The following OTUD7B variants were observed in gnomAD, a reference collection of about 807,000 sequenced individuals.
OTUD7B encodes the protein OTU domain-containing protein 7B.
Under a neutral mutation model 82.2 loss-of-function variants are expected in OTUD7B, and 34 were observed. The ratio of observed to expected loss-of-function variants is 0.41; its 90% CI spans 0.31 to 0.55. OTUD7B has a LOEUF of 0.55. OTUD7B is among the 20% of genes least tolerant of loss of function. The probability of loss-of-function intolerance (pLI) is 0.20; values close to 1 mark genes in which losing one functional copy is unlikely to be tolerated. For synonymous variants in OTUD7B, 398 were observed against 402.7 expected, an observed-to-expected ratio of 0.99 and a Z score of 0.14; for missense variants, 944 against 1,062.1, an observed-to-expected ratio of 0.89 and a Z score of 1.55.
chr1:149,965,523 T>A (rs1209125980), intron 5 of OTUD7B, among the ~76,000 whole-genome samples: 2 of 152,222 alleles, frequency 1.3e-5, no homozygotes, highest in African/African-American at 4.8e-5. Context: ...TCATTACTCC[T>A]GGGGTCAGCT....
the OTUD7B span, among the ~76,000 whole-genome samples, chr1:150,020,907 T>A: frequency 6.6e-6 from 1 of 152,172 alleles, no homozygotes; most frequent in East Asian, 1.9e-4. Flanking sequence ...AGGGTGTGGA[T>A]CTTTGACCCT....
At chr1:149,981,975 C>G (rs1553779760) in intron 1 of OTUD7B, among the ~76,000 whole-genome samples, 1 of 152,178 alleles carries the variant, frequency 6.6e-6, no homozygotes, top group East Asian at 1.9e-4. Flanking sequence ...CGGTGAAACC[C>G]TGTCTCTACT....
the OTUD7B span, among the ~76,000 whole-genome samples, chr1:150,027,709 T>C: frequency 3.9e-4 from 60 of 152,154 alleles, no homozygotes; most frequent in African/African-American, 1.3e-3. Flanking sequence ...TGTCCTTTAG[T>C]GCTAAAAGGA....
intron 3 of OTUD7B, among the ~76,000 whole-genome samples, chr1:149,969,038 C>T (rs1249158652): frequency 6.6e-6 from 1 of 151,894 alleles, no homozygotes; most frequent in South Asian, 2.1e-4. Flanking sequence ...TTTAGGTATT[C>T]GTAGGCTGAG....
chr1:149,975,783 G>A (rs1254776068), intron 2 of OTUD7B, among the ~76,000 whole-genome samples: 1 of 152,052 alleles, frequency 6.6e-6, no homozygotes, highest in African/African-American at 2.4e-5. Flanking sequence ...CAGCACTTTG[G>A]GAGGCTGAGG....
intron 1 of OTUD7B, among the ~76,000 whole-genome samples, chr1:150,009,917 T>C (rs1391284822): frequency 4.6e-5 from 7 of 151,860 alleles, no homozygotes; most frequent in Non-Finnish European, 8.8e-5. Flanking sequence ...CTAGAATCCG[T>C]CAACCTCCGT....
At chr1:150,034,608 C>T in the OTUD7B span, among the ~76,000 whole-genome samples, 1 of 152,144 alleles carries the variant, frequency 6.6e-6, no homozygotes, top group Non-Finnish European at 1.5e-5. Context: ...ATCATTTCTG[C>T]AAACATGTGA....
chr1:150,010,184 G>A (rs1031746107), intron 1 of OTUD7B, among the ~76,000 whole-genome samples: 2 of 152,092 alleles, frequency 1.3e-5, no homozygotes, highest in Non-Finnish European at 2.9e-5. Flanking sequence ...AAACTGGCCA[G>A]CACAGCTCAG....
chr1:150,035,961 T>TTG, the OTUD7B span, among the ~76,000 whole-genome samples: 1 of 150,920 alleles, frequency 6.6e-6, no homozygotes, highest in South Asian at 2.1e-4. Context: ...GTAACTGTTT[T>TTG]TTTTTTTTTT....
In OTUD7B at chr1:149,940,483, G is replaced by A. The variant is rs1174624847; in HGVS notation, c.*3374C>T. ...TACTTACTCCATTGGAGATGGGGCA[G>A]AGAGCACAGCAGGGAGGGAGTAGCA... On this transcript the variant is annotated 3_prime_UTR_variant, in exon 12 of 12. Transcript: ENST00000581312. The A allele has an allele frequency of 6.6e-6, 1 of 152,168 alleles. No individual in the cohort carries two copies. Among genetic ancestry groups the A allele is most frequent in the Non-Finnish European group, 1.5e-5 (1 of 68,032 alleles). 9.4% of individuals were successfully genotyped at this position (152,168 alleles called of 1,614,324 possible).
rs1361748605 is a variant in OTUD7B, at chr1:149,941,619, A to G, written c.*2238T>C. The G allele has an allele frequency of 1.3e-5, 2 of 152,238 alleles. No individual in the cohort carries two copies. Among genetic ancestry groups the G allele is most frequent in the African/African-American group, 4.8e-5 (2 of 41,462 alleles). The allele number at this position is 152,238 out of a possible 1,614,324, so 9.4% of individuals were successfully genotyped here. ...TTAAAAAATCACAATTAATGTAAAA[A>G]GTCTATGATGGACAATGTATCAAAA... On this transcript the variant is annotated 3_prime_UTR_variant, in exon 12 of 12. Coordinates refer to ENST00000581312, the MANE Select transcript of OTUD7B (RefSeq NM_020205.4).
rs141161162 is a variant in OTUD7B, at chr1:149,993,334, C to A, written c.-66-15758G>T. 3.3e-4 allele frequency among the ~76,000 whole-genome samples: 51 copies of A among 152,304 alleles called. 1 individual carries two copies. The highest frequency in any genetic ancestry group is 1.2e-3 in the African/African-American group (48 of 41,562). On this transcript the variant is annotated intron_variant, in intron 1 of 11. Transcript: ENST00000581312. ...ACCTTAACATCCTGACTCAATCATT[C>A]AAAAAGCATTCTTAATGCCAGGCAG... is the stretch of plus-strand genomic sequence containing the variant.
At chr1:150,054,996 C>T in the OTUD7B span, 1 of 291,666 alleles carries the variant, frequency 3.4e-6, no homozygotes, top group South Asian at 3.5e-5. Context: ...CTGTGTTTGC[C>T]CCGACAAATG....
the OTUD7B span, among the ~76,000 whole-genome samples, chr1:150,035,040 A>G: frequency 6.6e-6 from 1 of 151,842 alleles, no homozygotes; most frequent in African/African-American, 2.4e-5. Context: ...GCTACTCAGG[A>G]GGATGAGGCA....
intron 7 of OTUD7B, among the ~76,000 whole-genome samples, chr1:149,953,405 A>G (rs1648416339): frequency 6.6e-6 from 1 of 152,152 alleles, no homozygotes; most frequent in Non-Finnish European, 1.5e-5. Context: ...CCATTGGTCT[A>G]TATCTCTGTT....
At chr1:150,057,396 G>A in the OTUD7B span, among the ~76,000 whole-genome samples, 2 of 152,138 alleles carry the variant, frequency 1.3e-5, no homozygotes, top group South Asian at 2.1e-4. Flanking sequence ...AGTTGAAAAA[G>A]TAACAATTTT....
At chr1:149,956,905 C>G (rs1648724981) in intron 7 of OTUD7B, among the ~76,000 whole-genome samples, 1 of 152,160 alleles carries the variant, frequency 6.6e-6, no homozygotes, top group South Asian at 2.1e-4. Flanking sequence ...AAGGTCTTCT[C>G]TATGCTGTTT....
At chr1:149,992,484 T>TTTG (rs1651655115) in intron 1 of OTUD7B, among the ~76,000 whole-genome samples, 29 of 1,612 alleles carry the variant, frequency 0.018, no homozygotes, top group Non-Finnish European at 0.17. Flanking sequence ...TTTTTTTTTT[T>TTTG]TTTTTTTTTA....
At chr1:150,038,009 G>A in the OTUD7B span, among the ~76,000 whole-genome samples, 11 of 151,702 alleles carry the variant, frequency 7.3e-5, no homozygotes, top group Admixed American at 2.0e-4. Flanking sequence ...CTACAGGCAT[G>A]CCTTCACACC....
Sources: allele counts gnomAD v4.1 joint callset (sites outside exome capture counted in the v4.1 genomes callset), GRCh38; gene constraint gnomAD v4.1.1; transcripts MANE v1.5; gene names NCBI Gene and HGNC (gene_info 2026-07-23, HGNC 2026-07-21).